ABHD4: variants seen among roughly 807,000 people sequenced by gnomAD.
ABHD4 encodes the protein abhydrolase domain containing 4, N-acyl phospholipase B, also known as (Lyso)-N-acylphosphatidylethanolamine lipase.
Under a neutral mutation model 42.3 loss-of-function variants are expected in ABHD4, and 35 were observed. The observed-to-expected ratio is 0.83, with a 90% CI of 0.63 to 1.10. The LOEUF is 1.10. Ranked by LOEUF, ABHD4 falls within the 50% of genes least tolerant of loss-of-function variation. The pLI is 0.00. For synonymous variants in ABHD4, 169 were observed against 170.6 expected, an observed-to-expected ratio of 0.99 and a Z score of 0.07; for missense variants, 389 against 454.8, an observed-to-expected ratio of 0.86 and a Z score of 1.32.
Position 22,606,490 on chromosome 14 carries a change from A to G in ABHD4, c.709A>G (p.Thr237Ala). ...RKFADFFEDD[T>A]ISEYIYHCNA... ...GTTTGCAGACTTCTTTGAAGATGAT[A>G]CCATATCAGAGTATATTTACCACTG... Residue 237 changes from threonine (T) to alanine (A), a missense_variant, in exon 5 of 7, where the codon ACC becomes GCC. Thr to Ala is a moderately conservative substitution (Grantham distance 58). This residue lies in a region of ABHD4 where 249 missense variants were observed against 254.4 expected (regional missense o/e 0.98). Coordinates refer to ENST00000428304, the MANE Select transcript of ABHD4 (RefSeq NM_022060.3). 6.2e-7 allele frequency: 1 copy of G among 1,613,518 alleles called. No homozygotes were observed. The highest frequency in any genetic ancestry group is 1.1e-5 in the South Asian group (1 of 90,844).
chr14:22,609,614 G>T, intron 5 of ABHD4, 110 bp from the exon 6 acceptor site: 2 of 1,206,742 alleles, frequency 1.7e-6, no homozygotes, highest in Non-Finnish European at 1.2e-6. Flanking sequence ...AGCCCAGTGT[G>T]GGGCTTTGAC....
chr14:22,605,702 C>G, intron 4 of ABHD4: 3 of 621,662 alleles, frequency 4.8e-6, no homozygotes, highest in South Asian at 4.5e-5. Flanking sequence ...AGGGACTATG[C>G]AGGAGGGAGG....
At chr14:22,603,366 A>G (rs2037308491) in intron 2 of ABHD4, 24 bp from the exon 3 acceptor site, 1 of 1,613,902 alleles carries the variant, frequency 6.2e-7, no homozygotes. Flanking sequence ...TTATTGACTT[A>G]CCATGGGATT....
At chr14:22,601,552 C>T (rs1488227697) in intron 1 of ABHD4, 115 bp from the exon 2 acceptor site, 2 of 962,218 alleles carry the variant, frequency 2.1e-6, no homozygotes, top group African/African-American at 3.2e-5. Flanking sequence ...GCAGGTCTCT[C>T]AAGGCTAGGA....
chr14:22,598,579 C>T, intron 1 of ABHD4: 2 of 1,013,698 alleles, frequency 2.0e-6, no homozygotes, highest in Non-Finnish European at 2.9e-6. Context: ...TACCTTAGTC[C>T]TCGCGAGTGC....
chr14:22,598,551 C>T (rs1353012903), intron 1 of ABHD4: 6 of 1,356,292 alleles, frequency 4.4e-6, no homozygotes, highest in South Asian at 1.3e-5. Context: ...CGCCCGCAGC[C>T]CGGGGATCCT....
intron 1 of ABHD4, chr14:22,598,962 C>G (rs1016709622): frequency 6.4e-6 from 1 of 155,150 alleles, no homozygotes; most frequent in Non-Finnish European, 1.4e-5. Flanking sequence ...ACCACTCTTT[C>G]AAGGGCATCA....
Position 22,604,052 on chromosome 14 carries a change from G to T in ABHD4, c.613G>T (p.Ala205Ser). ...ASVLGRSNPL[A>S]VLRVAGPWGP... is the part of the protein sequence containing the mutation. The stretch of plus-strand genomic sequence containing the variant: ...TGTCCTAGGACGTTCCAATCCATTG[G>T]CTGTTCTTCGAGTAGCTGGGCCCTG... Residue 205 changes from alanine (A) to serine (S), a missense_variant, in exon 4 of 7, where the codon GCT becomes TCT. By Grantham distance (99) the Ala-to-Ser change is moderately conservative. Transcript: ENST00000428304. 1 of 1,614,178 alleles carries T rather than the reference G, an allele frequency of 6.2e-7. No homozygotes were observed. The highest frequency in any genetic ancestry group is 1.1e-5 in the South Asian group (1 of 91,084).
chr14:22,611,178 A>C lies in ABHD4; in HGVS notation c.*230A>C. 5.7e-6 allele frequency: 3 copies of C among 525,986 alleles called. No homozygotes were observed. Among genetic ancestry groups the C allele is most frequent in the Non-Finnish European group, 3.5e-6 (1 of 288,840 alleles). 32.6% of individuals were successfully genotyped at this position (525,986 alleles called of 1,614,324 possible). ...AGTGCCACCCCCAGGGAAGAACATA[A>C]AGGGTTGCACAATGCCACCCATCCA... is the stretch of plus-strand genomic sequence containing the variant. On this transcript the variant is annotated 3_prime_UTR_variant, in exon 7 of 7. Transcript: ENST00000428304.
At chr14:22,605,730 C>A in intron 4 of ABHD4, 2 of 986,562 alleles carry the variant, frequency 2.0e-6, no homozygotes, top group Admixed American at 2.3e-5. Flanking sequence ...CCATGCAGAT[C>A]CTCATGGCAC....
Position 22,609,860 on chromosome 14 carries a change from A to G in ABHD4, c.889A>G (p.Thr297Ala), listed in dbSNP as rs2037391174. The G allele has an allele frequency of 1.2e-6, 2 of 1,614,092 alleles. No homozygotes were observed. The highest frequency in any genetic ancestry group is 1.7e-6 in the Non-Finnish European group (2 of 1,180,006). The stretch of plus-strand genomic sequence containing the variant: ...GTCCGACACCTGGATAGATACCAGT[A>G]CGGGAAAAAAGGTGAAGATGCAGCG... Reference protein sequence around the residue: ...YGSDTWIDTSTGKKVKMQRPD... With the variant: ...YGSDTWIDTSAGKKVKMQRPD... The change falls in exon 6 of 7, where the codon ACG becomes GCG. Residue 297 changes from threonine to alanine, a missense_variant. Physicochemically the swap from Thr to Ala is moderately conservative, Grantham distance 58 (BLOSUM62 0). This residue lies in a region of ABHD4 where 249 missense variants were observed against 254.4 expected (regional missense o/e 0.98). Transcript: ENST00000428304.
chr14:22,611,019 C>G lies in ABHD4; in HGVS notation c.*71C>G. On this transcript the variant is annotated 3_prime_UTR_variant, in exon 7 of 7. Coordinates refer to ENST00000428304, the MANE Select transcript of ABHD4 (RefSeq NM_022060.3). ...ACCTCCCTGTCTGCTTACTCACCCACTCTGTCCTTTCCTCACCAACTAACA... is the reference window on the plus strand; with the variant it reads ...ACCTCCCTGTCTGCTTACTCACCCAGTCTGTCCTTTCCTCACCAACTAACA... 7.2e-7 allele frequency: 1 copy of G among 1,383,622 alleles called. No homozygotes were observed. The highest frequency in any genetic ancestry group is 1.0e-6 in the Non-Finnish European group (1 of 979,870). 85.7% of individuals were successfully genotyped at this position (1,383,622 alleles called of 1,614,324 possible). A position where few individuals can be genotyped will look rare whatever the true frequency, so the allele number is the denominator to read the frequency against.
chr14:22,606,116 G>A (rs1175003105), intron 4 of ABHD4, among the ~76,000 whole-genome samples: 1 of 152,306 alleles, frequency 6.6e-6, no homozygotes, highest in Non-Finnish European at 1.5e-5. Flanking sequence ...TTCTGATGGG[G>A]AGGGCTTGTG....
At chr14:22,604,629 T>G (rs373518191) in intron 4 of ABHD4, among the ~76,000 whole-genome samples, 16 of 149,882 alleles carry the variant, frequency 1.1e-4, no homozygotes, top group African/African-American at 3.9e-4. Context: ...GCAGAATAGC[T>G]ACCAGAGTCT....
Position 22,611,176 on chromosome 14 carries a change from T to G in ABHD4, c.*228T>G. 1 of 537,356 alleles carries G rather than the reference T, an allele frequency of 1.9e-6. No homozygotes were observed. Among genetic ancestry groups the G allele is most frequent in the Non-Finnish European group, 3.4e-6 (1 of 296,138 alleles). The allele number at this position is 537,356 out of a possible 1,614,324, so 33.3% of individuals were successfully genotyped here. On this transcript the variant is annotated 3_prime_UTR_variant, in exon 7 of 7. Transcript: ENST00000428304. The stretch of plus-strand genomic sequence containing the variant: ...TGAGTGCCACCCCCAGGGAAGAACA[T>G]AAAGGGTTGCACAATGCCACCCATC...
Position 22,610,858 on chromosome 14 carries a change from G to A in ABHD4, c.940-1G>A. The A allele has an allele frequency of 6.2e-7, 1 of 1,613,822 alleles. No individual in the cohort carries two copies. Among genetic ancestry groups the A allele is most frequent in the Non-Finnish European group, 8.5e-7 (1 of 1,179,822 alleles). ...CACCCCTGCGGGTTCTCTCTCCACA[G>A]GAGATTAAGGGTGCCTCCCACCATG... On this transcript the variant is annotated splice_acceptor_variant, in intron 6 of 6. Transcript: ENST00000428304. LOFTEE classifies it high-confidence loss of function.
chr14:22,609,028 C>T (rs976193394), intron 5 of ABHD4, among the ~76,000 whole-genome samples: 1 of 149,902 alleles, frequency 6.7e-6, no homozygotes, highest in Non-Finnish European at 1.5e-5. Flanking sequence ...GACAGAGTCT[C>T]GCTCTGTCAC....
Position 22,609,811 on chromosome 14 carries a change from T to C in ABHD4, c.840T>C (p.Asp280=), listed in dbSNP as rs1373941364. Residue 280 remains aspartate, a synonymous_variant, in exon 6 of 7, where the codon GAT becomes GAC. Transcript: ENST00000428304. ...MLERIHLIRK[D]VPITMIYGSD... Reference sequence around the variant, plus strand: ...AGCGAATTCACTTGATTCGAAAAGATGTGCCTATCACTATGATCTACGGGT... The same window carrying C: ...AGCGAATTCACTTGATTCGAAAAGACGTGCCTATCACTATGATCTACGGGT... 2 of 1,614,206 alleles carry C rather than the reference T, an allele frequency of 1.2e-6. No individual in the cohort carries two copies. Among genetic ancestry groups the C allele is most frequent in the Non-Finnish European group, 1.7e-6 (2 of 1,180,034 alleles).
At chr14:22,602,006 C>G (rs747470505) in intron 2 of ABHD4, among the ~76,000 whole-genome samples, 1 of 152,178 alleles carries the variant, frequency 6.6e-6, no homozygotes, top group Non-Finnish European at 1.5e-5. Flanking sequence ...ACCTCAAACC[C>G]TATGCCAGTG....
Sources: gnomAD v4.1 joint callset for allele counts (sites outside exome capture counted in the v4.1 genomes callset) on GRCh38, gnomAD v4.1.1 for gene constraint, gnomAD v4.1.1 regional missense constraint, MANE v1.5 for transcripts, NCBI Gene and HGNC (gene_info 2026-07-23, HGNC 2026-07-21) for gene names.